Variants in PPP2R2C observed in about 807,000 individuals in gnomAD.
PPP2R2C encodes protein phosphatase 2 regulatory subunit Bgamma, also known as protein phosphatase 2, regulatory subunit B, gamma.
In PPP2R2C, 10 loss-of-function variants were observed where a neutral mutation model predicts 45.3. The observed-to-expected ratio is 0.22, with a 90% CI of 0.14 to 0.37. The LOEUF is 0.37. PPP2R2C is among the 10% of genes least tolerant of loss of function. The pLI is 1.00. For missense variants in PPP2R2C, 308 were observed against 619.7 expected, an observed-to-expected ratio of 0.50 and a Z score of 5.34; for synonymous variants, 257 against 245.4, an observed-to-expected ratio of 1.05 and a Z score of -0.44.
At chr4:6,408,297 C>T (rs187250753) in intron 1 of PPP2R2C, among the ~76,000 whole-genome samples, 134 of 152,324 alleles carry the variant, frequency 8.8e-4, no homozygotes, top group Admixed American at 2.7e-3. Flanking sequence ...TGAGCTGATA[C>T]TAACAGTAGA....
chr4:6,382,664 CT>C, intron 1 of PPP2R2C: 1 of 241,346 alleles, frequency 4.1e-6, no homozygotes, highest in African/African-American at 4.2e-5. Flanking sequence ...CTCTCTCTCT[CT>C]CTCTCTCTCT....
Position 6,378,575 on chromosome 4 carries a change from G to A in PPP2R2C, c.169-3C>T, listed in dbSNP as rs1715530027. The A allele has an allele frequency of 1.2e-6, 2 of 1,611,576 alleles. No homozygotes were observed. The highest frequency in any genetic ancestry group is 1.7e-6 in the Non-Finnish European group (2 of 1,178,412). The stretch of plus-strand genomic sequence containing the variant: ...TGGCTGTGGGGCGCATTTTTACTCT[G>A]CAGGGAAACCCGGAGAAGGGGCCTG... On this transcript the variant is annotated splice_region_variant and splice_polypyrimidine_tract_variant and intron_variant, in intron 2 of 8. Coordinates refer to ENST00000382599, the MANE Select transcript of PPP2R2C (RefSeq NM_020416.4). The surrounding 1 kb of genome is among the most constrained non-coding windows in gnomAD (Gnocchi z 5.2).
At chr4:6,399,185 A>G (rs1175911234) in intron 1 of PPP2R2C, among the ~76,000 whole-genome samples, 2 of 152,240 alleles carry the variant, frequency 1.3e-5, no homozygotes, top group Non-Finnish European at 2.9e-5. Flanking sequence ...TCACAAACAT[A>G]TACATAGCTT....
intron 1 of PPP2R2C, among the ~76,000 whole-genome samples, chr4:6,437,605 T>A (rs552142794): frequency 3.3e-5 from 5 of 152,302 alleles, no homozygotes; most frequent in Admixed American, 3.3e-4. Context: ...TCCCTTACTA[T>A]CTGTTTTCTA....
intron 1 of PPP2R2C, among the ~76,000 whole-genome samples, chr4:6,462,979 G>A (rs1002527149): frequency 1.3e-5 from 2 of 152,188 alleles, no homozygotes; most frequent in Non-Finnish European, 2.9e-5. Flanking sequence ...TCCAGGGAGC[G>A]GCATCTCTCC....
In PPP2R2C at chr4:6,368,719, G is replaced by A. The variant is rs899404164; in HGVS notation, c.625+3804C>T. Among the ~76,000 whole-genome samples the A allele has an allele frequency of 5.9e-5, 9 of 151,732 alleles. No individual in the cohort carries two copies. Among genetic ancestry groups the A allele is most frequent in the African/African-American group, 1.2e-4 (5 of 41,240 alleles). ...ATCCTTACAATCTCATTCCTCCACC[G>A]CCTCCCACCCGTGGCCACGCTCTGG... On this transcript the variant is annotated intron_variant, in intron 5 of 8. Coordinates refer to ENST00000382599, the MANE Select transcript of PPP2R2C (RefSeq NM_020416.4). This position sits in a 1 kb window ranked among gnomAD's most constrained non-coding sequence, Gnocchi z 4.2.
At chr4:6,424,533 G>T (rs931372422) in intron 1 of PPP2R2C, among the ~76,000 whole-genome samples, 2 of 152,200 alleles carry the variant, frequency 1.3e-5, no homozygotes, top group African/African-American at 4.8e-5. Context: ...TTGCAGAGCT[G>T]GGGAGACCTG....
intron 4 of PPP2R2C, among the ~76,000 whole-genome samples, chr4:6,375,542 C>T (rs114942337): frequency 0.017 from 2,556 of 152,324 alleles, 74 homozygotes; most frequent in African/African-American, 0.058. Context: ...GGATTATCTG[C>T]CTTGCTCTCC....
chr4:6,474,165 C>CCT (rs372463555), upstream of PPP2R2C, among the ~76,000 whole-genome samples: 7 of 150,258 alleles, frequency 4.7e-5, no homozygotes, highest in Non-Finnish European at 7.4e-5. Context: ...GGCATGTTCT[C>CCT]CTCTCTCTCT....
intron 1 of PPP2R2C, chr4:6,421,178 G>T (rs767589491): frequency 3.1e-6 from 3 of 967,810 alleles, no homozygotes; most frequent in Non-Finnish European, 3.7e-6. Context: ...CACATGACCA[G>T]TGGGGGCCAA....
chr4:6,554,941 A>AGG (rs1491028554), intron 1 of PPP2R2C, among the ~76,000 whole-genome samples: 13 of 114,440 alleles, frequency 1.1e-4, no homozygotes, highest in African/African-American at 4.0e-4. Context: ...GAAAGAAAGA[A>AGG]AGAAAGAAAG....
In PPP2R2C at chr4:6,328,789, G is replaced by A. The variant is rs756500279; in HGVS notation, c.1052+473C>T. Among the ~76,000 whole-genome samples the A allele has an allele frequency of 1.1e-4, 17 of 152,186 alleles. No individual in the cohort carries two copies. Among genetic ancestry groups the A allele is most frequent in the Non-Finnish European group, 1.6e-4 (11 of 68,022 alleles). On this transcript the variant is annotated intron_variant, in intron 8 of 8. Transcript: ENST00000382599. This position sits in a 1 kb window ranked among gnomAD's most constrained non-coding sequence, Gnocchi z 4.4. ...GGTGCCCCTGAGCCTCAGCGGGCCCGAGTGGGGTGTCACCAGGAAGAGAGG... is the reference window on the plus strand; with the variant it reads ...GGTGCCCCTGAGCCTCAGCGGGCCCAAGTGGGGTGTCACCAGGAAGAGAGG...
intron 1 of PPP2R2C, among the ~76,000 whole-genome samples, chr4:6,425,401 C>T (rs1719230778): frequency 6.6e-6 from 1 of 152,232 alleles, no homozygotes; most frequent in African/African-American, 2.4e-5. Flanking sequence ...GCAGAGTCAA[C>T]ACCTGAAGTT....
chr4:6,492,145 G>A (rs1003238899), intron 2 of PPP2R2C, among the ~76,000 whole-genome samples: 1 of 152,200 alleles, frequency 6.6e-6, no homozygotes. Flanking sequence ...AGTGGGCCCT[G>A]GGGCTTAAAC....
chr4:6,452,099 G>A (rs1345766953), intron 1 of PPP2R2C, among the ~76,000 whole-genome samples: 1 of 152,126 alleles, frequency 6.6e-6, no homozygotes, highest in African/African-American at 2.4e-5. Context: ...GGGGAGGTTG[G>A]GGAGGACAGG....
rs1721908491 is a variant in PPP2R2C, at chr4:6,471,914, CGCG to C, written c.70+243_70+245del. ...AGGAAAGCTGCCTCCCGGAGGGCGG[CGCG>C]GAGGAGGGCGCTGCCCTGTGCCGGC... On this transcript the variant is annotated intron_variant, in intron 1 of 8. Coordinates refer to ENST00000382599, the MANE Select transcript of PPP2R2C (RefSeq NM_020416.4). The surrounding 1 kb of genome is among the most constrained non-coding windows in gnomAD (Gnocchi z 5.6). 6.6e-6 allele frequency among the ~76,000 whole-genome samples: 1 copy of C among 151,016 alleles called. No individual in the cohort carries two copies. The highest frequency in any genetic ancestry group is 1.5e-5 in the Non-Finnish European group (1 of 67,728).
upstream of PPP2R2C, among the ~76,000 whole-genome samples, chr4:6,475,904 G>A (rs1195532239): frequency 6.6e-6 from 1 of 152,196 alleles, no homozygotes; most frequent in East Asian, 1.9e-4. Context: ...GTTAGACAAG[G>A]CCATGAGGGT....
At chr4:6,373,901 ATGTGTGTG>A (rs60094669) in intron 4 of PPP2R2C, among the ~76,000 whole-genome samples, 21 of 146,552 alleles carry the variant, frequency 1.4e-4, no homozygotes, top group African/African-American at 4.4e-4. Context: ...ATGTGCATGC[ATGTGTGTG>A]TGTGTGTGTG....
At chr4:6,516,726 G>A (rs6820874) in intron 2 of PPP2R2C, among the ~76,000 whole-genome samples, 29,284 of 152,178 alleles carry the variant, frequency 0.19, 3,360 homozygotes, top group Middle Eastern at 0.31. Flanking sequence ...ATGCTTTGGC[G>A]TTAACACATT....
Sources: allele counts gnomAD v4.1 joint callset (sites outside exome capture counted in the v4.1 genomes callset), GRCh38; gene constraint gnomAD v4.1.1; non-coding constraint Gnocchi (gnomAD v3.1); transcripts MANE v1.5; gene names NCBI Gene and HGNC (gene_info 2026-07-23, HGNC 2026-07-21).